Variants in CORO2B observed in about 807,000 individuals in gnomAD.
CORO2B encodes coronin-2B.
In CORO2B, 26 loss-of-function variants were observed where a neutral mutation model predicts 58.8. That is an observed-to-expected ratio of 0.44 (90% CI 0.32 to 0.61). The LOEUF (loss-of-function observed/expected upper bound fraction) is 0.61. CORO2B is among the 20% of genes least tolerant of loss of function. CORO2B has a pLI of 0.04. For synonymous variants in CORO2B, 242 were observed against 253.8 expected, an observed-to-expected ratio of 0.95 and a Z score of 0.44; for missense variants, 460 against 645.1, an observed-to-expected ratio of 0.71 and a Z score of 3.11.
chr15:68,565,000 A>G, the CORO2B span, among the ~76,000 whole-genome samples: 150 of 152,298 alleles, frequency 9.8e-4, no homozygotes, highest in Non-Finnish European at 1.7e-3. Flanking sequence ...TATAAAACCT[A>G]TCCTTATAGT....
chr15:68,702,290 T>C (rs74779842), intron 3 of CORO2B, among the ~76,000 whole-genome samples: 3,764 of 152,258 alleles, frequency 0.025, 158 homozygotes, highest in African/African-American at 0.084. Flanking sequence ...GGACAGTCTT[T>C]AGTAGTCATA....
chr15:68,719,604 A>T, intron 11 of CORO2B, 52 bp downstream of exon 11: 2 of 1,559,260 alleles, frequency 1.3e-6, no homozygotes, highest in Non-Finnish European at 1.7e-6. Context: ...CAAGACCTTT[A>T]CATTTCAATT....
chr15:68,586,156 TGG>T (rs1899551738), intron 1 of CORO2B, among the ~76,000 whole-genome samples: 1 of 152,150 alleles, frequency 6.6e-6, no homozygotes, highest in African/African-American at 2.4e-5. Flanking sequence ...ATCCATTCAT[TGG>T]GATTGATAAT....
intron 3 of CORO2B, among the ~76,000 whole-genome samples, chr15:68,698,393 C>T (rs1459973236): frequency 6.6e-6 from 1 of 152,200 alleles, no homozygotes; most frequent in East Asian, 1.9e-4. Flanking sequence ...CTGCCTGGCT[C>T]ATGGTGAGAA....
chr15:68,656,054 T>C (rs1320184941), intron 2 of CORO2B, among the ~76,000 whole-genome samples: 1 of 152,170 alleles, frequency 6.6e-6, no homozygotes, highest in Non-Finnish European at 1.5e-5. Flanking sequence ...GGCTGCCTGT[T>C]TGCCCTGCCT....
the CORO2B span, among the ~76,000 whole-genome samples, chr15:68,547,661 A>G: frequency 4.4e-3 from 670 of 152,248 alleles, 6 homozygotes; most frequent in African/African-American, 0.015. Flanking sequence ...TTAATAAAAG[A>G]AATAAAACAC....
chr15:68,579,604 T>C (rs1047464118), intron 1 of CORO2B, among the ~76,000 whole-genome samples: 4 of 152,014 alleles, frequency 2.6e-5, no homozygotes, highest in Admixed American at 2.0e-4. Context: ...GCTAGCGGTG[T>C]CCCTCCAGGG....
intron 3 of CORO2B, 147 bp downstream of exon 3, chr15:68,695,403 G>T: frequency 1.6e-6 from 1 of 637,422 alleles, no homozygotes; most frequent in South Asian, 1.8e-5. Flanking sequence ...ACGATGTGGG[G>T]GGGATGGGAG....
chr15:68,705,235 C>T (rs749733068), intron 3 of CORO2B, among the ~76,000 whole-genome samples: 3 of 152,032 alleles, frequency 2.0e-5, no homozygotes, highest in Admixed American at 6.6e-5. Context: ...GTCAGGAGTT[C>T]GAGACCAGCC....
intron 1 of CORO2B, among the ~76,000 whole-genome samples, chr15:68,596,877 G>A (rs1899844837): frequency 6.6e-6 from 1 of 152,106 alleles, no homozygotes; most frequent in Non-Finnish European, 1.5e-5. Flanking sequence ...GGCCACCCCA[G>A]CCACTCTGGC....
intron 1 of CORO2B, among the ~76,000 whole-genome samples, chr15:68,631,126 C>A (rs1253374192): frequency 1.3e-5 from 2 of 152,144 alleles, no homozygotes; most frequent in African/African-American, 4.8e-5. Context: ...GCCTGCCTCC[C>A]TTCTCCAGGA....
At chr15:68,560,416 T>C in the CORO2B span, among the ~76,000 whole-genome samples, 6 of 151,942 alleles carry the variant, frequency 3.9e-5, no homozygotes, top group Admixed American at 6.6e-5. Context: ...CACCCCAGTG[T>C]CTGGAGTAGC....
At chr15:68,702,291 A>G (rs1327386944) in intron 3 of CORO2B, among the ~76,000 whole-genome samples, 1 of 152,102 alleles carries the variant, frequency 6.6e-6, no homozygotes, top group Non-Finnish European at 1.5e-5. Context: ...GACAGTCTTT[A>G]GTAGTCATAA....
chr15:68,587,442 C>A (rs945966900), intron 1 of CORO2B, among the ~76,000 whole-genome samples: 1 of 152,138 alleles, frequency 6.6e-6, no homozygotes, highest in East Asian at 1.9e-4. Flanking sequence ...TATTTAACTC[C>A]GGAGATGTCT....
Position 68,701,484 on chromosome 15 carries a change from T to TA in CORO2B, c.333+6228_333+6229insA, listed in dbSNP as rs1892646973. 6.0e-5 allele frequency among the ~76,000 whole-genome samples: 5 copies of TA among 82,862 alleles called. No homozygotes were observed. The South Asian group carries it at 2.2e-3, about 37-fold the overall frequency. 54.4% of individuals were successfully genotyped at this position (82,862 alleles called of 152,430 possible). A position where few individuals can be genotyped will look rare whatever the true frequency, so the allele number is the denominator to read the frequency against. On this transcript the variant is annotated intron_variant, in intron 3 of 11. Coordinates refer to ENST00000261861, the MANE Select transcript of CORO2B (RefSeq NM_006091.5). ...CTGCAACCACGCCCGGCTAATTTTT[T>TA]TTTTTTTTTTTTTTTTTTTGAGACG...
At chr15:68,577,808 C>T (rs554688315), upstream of CORO2B, among the ~76,000 whole-genome samples, 1 of 152,038 alleles carries the variant, frequency 6.6e-6, no homozygotes, top group East Asian at 1.9e-4. Flanking sequence ...TTGCTCCAAT[C>T]TAGACACTGG....
In CORO2B at chr15:68,579,272, A is replaced by G. The variant is rs1351079320; in HGVS notation, c.10A>G (p.Thr4Ala). 2.3e-6 allele frequency: 3 copies of G among 1,277,952 alleles called. No individual in the cohort carries two copies. Among genetic ancestry groups the G allele is most frequent in the East Asian group, 3.5e-5 (1 of 28,250 alleles). The allele number at this position is 1,277,952 out of a possible 1,614,324, so 79.2% of individuals were successfully genotyped here. The change falls in exon 1 of 12, where the codon ACA (threonine) becomes GCA (alanine). Residue 4 changes from threonine to alanine, a missense_variant. Thr to Ala is a moderately conservative substitution (Grantham distance 58). Coordinates refer to ENST00000261861, the MANE Select transcript of CORO2B (RefSeq NM_006091.5). ...GCCGCGGAGTTTCTGCATGACTGTC[A>G]CAAAGGTAAGCGCCGCTCGCCCGCC... MTVTKMSWRPQYRS... is the reference protein window; with the variant it reads MTVAKMSWRPQYRS...
chr15:68,595,486 G>A (rs1003522898), intron 1 of CORO2B, among the ~76,000 whole-genome samples: 14 of 152,202 alleles, frequency 9.2e-5, no homozygotes, highest in Non-Finnish European at 1.6e-4. Flanking sequence ...TCAGATATCC[G>A]CTGTCCTCCT....
rs533860777 is a variant in CORO2B, at chr15:68,621,164, G to T, written c.16-23996G>T. On this transcript the variant is annotated intron_variant, in intron 1 of 11. Transcript: ENST00000261861. ...AGGGACCCTCAAGGCCATAAGCAATGTAGCCACAGCGTCTAATGAGCAATT... is the reference window on the plus strand; with the variant it reads ...AGGGACCCTCAAGGCCATAAGCAATTTAGCCACAGCGTCTAATGAGCAATT... Among the ~76,000 whole-genome samples, 110 of 152,230 alleles carry T rather than the reference G, an allele frequency of 7.2e-4. 1 individual carries two copies. The South Asian group carries it at 0.014, about 19-fold the overall frequency.
Sources: allele counts gnomAD v4.1 joint callset (sites outside exome capture counted in the v4.1 genomes callset), GRCh38; gene constraint gnomAD v4.1.1; transcripts MANE v1.5; gene names NCBI Gene and HGNC (gene_info 2026-07-23, HGNC 2026-07-21).